PXDNL: variants seen among roughly 807,000 people sequenced by gnomAD.
PXDNL encodes the protein probable oxidoreductase PXDNL.
PXDNL carries 145 observed loss-of-function variants against 150.8 expected under a neutral mutation model. That is an observed-to-expected ratio of 0.96 (90% CI 0.84 to 1.10). PXDNL has a LOEUF of 1.10. Among genes scored for constraint, PXDNL ranks in the 50% least tolerant of loss-of-function variants. PXDNL has a pLI of 0.00. For missense variants in PXDNL, 2,087 were observed against 1,873.9 expected (o/e 1.11, Z -2.10); for synonymous variants, 757 against 725.7 (o/e 1.04, Z -0.69).
At chr8:51,545,522 T>C (rs1239715297) in intron 4 of PXDNL, among the ~76,000 whole-genome samples, 2 of 152,150 alleles carry the variant, frequency 1.3e-5, no homozygotes, top group Non-Finnish European at 2.9e-5. Flanking sequence ...AATAGAAACA[T>C]ATTGGCTCAT....
At chr8:51,518,587 T>A (rs1051317817) in intron 4 of PXDNL, among the ~76,000 whole-genome samples, 10 of 152,122 alleles carry the variant, frequency 6.6e-5, no homozygotes, top group African/African-American at 2.4e-4. Context: ...AACATGAGAA[T>A]GAGGTCAGTG....
chr8:51,428,814 T>A (rs1224509919), intron 12 of PXDNL, among the ~76,000 whole-genome samples: 1 of 151,514 alleles, frequency 6.6e-6, no homozygotes, highest in African/African-American at 2.4e-5. Context: ...GCATAAAAAA[T>A]TGATCTATTA....
At chr8:51,534,342 G>A (rs536663898) in intron 4 of PXDNL, among the ~76,000 whole-genome samples, 1,554 of 145,896 alleles carry the variant, frequency 0.011, 61 homozygotes, top group African/African-American at 0.04. Context: ...CACCCCGTCC[G>A]GGAGGGAGGT....
At chr8:51,771,599 G>A (rs1344029630) in intron 1 of PXDNL, among the ~76,000 whole-genome samples, 1 of 152,092 alleles carries the variant, frequency 6.6e-6, no homozygotes, top group African/African-American at 2.4e-5. Context: ...TGCTTTTGGG[G>A]TAGTCCTTGA....
At chr8:51,795,694 C>T (rs11778849) in intron 1 of PXDNL, among the ~76,000 whole-genome samples, 17,891 of 152,054 alleles carry the variant, frequency 0.12, 1,293 homozygotes, top group East Asian at 0.17. Context: ...AAGCTAGATG[C>T]GGGGGTCTGT....
intron 6 of PXDNL, 29 bp from the exon 7 acceptor site, chr8:51,475,170 T>C: frequency 6.3e-7 from 1 of 1,577,926 alleles, no homozygotes; most frequent in South Asian, 1.1e-5. Flanking sequence ...AGTACAACTG[T>C]TAAAAGGGAC....
At chr8:51,521,046 A>C (rs1248411623) in intron 4 of PXDNL, among the ~76,000 whole-genome samples, 2 of 152,160 alleles carry the variant, frequency 1.3e-5, no homozygotes, top group Non-Finnish European at 2.9e-5. Flanking sequence ...CAGCCCGGGC[A>C]ACAGAGCACA....
intron 1 of PXDNL, among the ~76,000 whole-genome samples, chr8:51,716,944 G>T (rs1265541699): frequency 6.6e-6 from 1 of 152,170 alleles, no homozygotes; most frequent in Non-Finnish European, 1.5e-5. Context: ...TACTCTATCA[G>T]TTAGGAATGA....
intron 3 of PXDNL, among the ~76,000 whole-genome samples, chr8:51,577,532 A>T (rs1010018076): frequency 4.0e-5 from 6 of 149,012 alleles, no homozygotes; most frequent in African/African-American, 1.5e-4. Flanking sequence ...ACAAGTACCA[A>T]TATGAAAAAA....
intron 17 of PXDNL, among the ~76,000 whole-genome samples, chr8:51,376,159 T>C (rs1475875260): frequency 6.6e-6 from 1 of 152,224 alleles, no homozygotes; most frequent in Admixed American, 6.5e-5. Flanking sequence ...ATATCTTCAA[T>C]GTTAAAAGAC....
chr8:51,386,984 C>T (rs1051024572), intron 17 of PXDNL, among the ~76,000 whole-genome samples: 1 of 152,164 alleles, frequency 6.6e-6, no homozygotes, highest in African/African-American at 2.4e-5. Flanking sequence ...GACTTTTTTT[C>T]CAGTCTTATG....
chr8:51,765,128 G>A lies in PXDNL; in HGVS notation c.164+44053C>T, dbSNP rs118026004. ...GTTCTCTGTTGGTTACTACTTGCAC[G>A]GTTGATATGGTTTGGCTGTGTCTCA... On this transcript the variant is annotated intron_variant, in intron 1 of 22. Coordinates refer to ENST00000356297, the MANE Select transcript of PXDNL (RefSeq NM_144651.5). 4.5e-4 allele frequency among the ~76,000 whole-genome samples: 69 copies of A among 152,238 alleles called. No homozygotes were observed. In the East Asian group the frequency reaches 8.3e-3, roughly 18 times the overall value.
chr8:51,620,996 A>G (rs924835739), intron 2 of PXDNL, among the ~76,000 whole-genome samples: 1 of 152,210 alleles, frequency 6.6e-6, no homozygotes, highest in Non-Finnish European at 1.5e-5. Flanking sequence ...TTGCCCTTTA[A>G]GAGCTTAGTC....
chr8:51,394,612 G>C (rs1442922868), intron 17 of PXDNL, among the ~76,000 whole-genome samples: 1 of 152,216 alleles, frequency 6.6e-6, no homozygotes, highest in Non-Finnish European at 1.5e-5. Context: ...CTGCCAGGTA[G>C]TGGGACATAG....
chr8:51,655,634 G>A (rs528072054), intron 1 of PXDNL, among the ~76,000 whole-genome samples: 62 of 152,266 alleles, frequency 4.1e-4, no homozygotes, highest in Admixed American at 3.0e-3. Flanking sequence ...CCCGGAACAG[G>A]GTGGTTAACT....
intron 1 of PXDNL, among the ~76,000 whole-genome samples, chr8:51,687,604 T>G (rs1815905585): frequency 6.6e-6 from 1 of 152,232 alleles, no homozygotes; most frequent in Non-Finnish European, 1.5e-5. Flanking sequence ...TGATTCCACT[T>G]GACCCAACAG....
chr8:51,593,735 C>T (rs1813500396), intron 2 of PXDNL, among the ~76,000 whole-genome samples: 1 of 152,206 alleles, frequency 6.6e-6, no homozygotes, highest in Non-Finnish European at 1.5e-5. Context: ...TCTGAAGTGG[C>T]TGACACCTCA....
intron 1 of PXDNL, among the ~76,000 whole-genome samples, chr8:51,716,215 A>G (rs1016388453): frequency 6.6e-6 from 1 of 152,262 alleles, no homozygotes; most frequent in Admixed American, 6.5e-5. Flanking sequence ...GCAAGATCCT[A>G]ATGAACAAAG....
At position 51,646,329 on chromosome 8, in the gene PXDNL, A is replaced by T. The variant is rs192777229; in HGVS notation, c.236+8360T>A. Among the ~76,000 whole-genome samples, 148 of 152,314 alleles carry T rather than the reference A, an allele frequency of 9.7e-4. No individual in the cohort carries two copies. In the Middle Eastern group the frequency reaches 0.01, roughly 11 times the overall value. On this transcript the variant is annotated intron_variant, in intron 2 of 22. Coordinates refer to ENST00000356297, the MANE Select transcript of PXDNL (RefSeq NM_144651.5). ...AGACCTGCTGGCACCATGATCTTGG[A>T]CTTCCATACTCCAGGACTGTGAGAA...
Sources: gnomAD v4.1 joint callset for allele counts (sites outside exome capture counted in the v4.1 genomes callset) on GRCh38, gnomAD v4.1.1 for gene constraint, MANE v1.5 for transcripts, NCBI Gene and HGNC (gene_info 2026-07-23, HGNC 2026-07-21) for gene names.